The following DZIP3 variants were observed in gnomAD, a reference collection of about 807,000 sequenced individuals.
DZIP3 encodes DAZ interacting zinc finger protein 3.
In DZIP3, 118 loss-of-function variants were observed where a neutral mutation model predicts 162.0. The observed-to-expected ratio is 0.73, with a 90% CI of 0.63 to 0.85. The LOEUF (loss-of-function observed/expected upper bound fraction) is 0.85, where lower values mean the gene tolerates loss of function less well. Among genes scored for constraint, DZIP3 ranks in the 40% least tolerant of loss-of-function variants. The probability of loss-of-function intolerance (pLI) is 0.00; values close to 1 mark genes in which losing one functional copy is unlikely to be tolerated. For missense variants in DZIP3, 1,331 were observed against 1,407.0 expected (o/e 0.95, Z 0.86); for synonymous variants, 438 against 458.6 (o/e 0.96, Z 0.57).
Position 108,634,904 on chromosome 3 carries a change from T to C in DZIP3, c.850T>C (p.Cys284Arg). Residue 284 changes from cysteine (C) to arginine (R), a missense_variant, in exon 10 of 33, where the codon TGT becomes CGT. Around this residue, in one of 2 missense-constraint regions of DZIP3, gnomAD observed 1,278 missense variants for 1,317.1 expected, o/e 0.97. Coordinates refer to ENST00000361582, the MANE Select transcript of DZIP3 (RefSeq NM_014648.4). ...TCAGTTAATGTGCAGTAAAAGTTGC[T>C]GTGTTTATTTCCATAAAATTTGCTG... ...FFQLMCSKSCCVYFHKICWKK... is the reference protein window; with the variant it reads ...FFQLMCSKSCRVYFHKICWKK... 2.5e-6 allele frequency: 4 copies of C among 1,609,768 alleles called. No individual in the cohort carries two copies. In the Middle Eastern group the frequency reaches 6.6e-4, roughly 267 times the overall value.
chr3:108,646,757 C>T (rs1305561368), intron 15 of DZIP3, 108 bp downstream of exon 15: 3 of 884,238 alleles, frequency 3.4e-6, no homozygotes, highest in Non-Finnish European at 5.1e-6. Flanking sequence ...TTGTGAAGAA[C>T]TTGGGCCAGG....
In DZIP3 at chr3:108,673,605, C is replaced by T. The variant is rs1040906386; in HGVS notation, c.2590-473C>T. ...CTGCTGCGAGAGAGACACTGAACTA[C>T]GTAATCTCCCAAGCCCGTTTCTGTC... On this transcript the variant is annotated intron_variant, in intron 23 of 32. Transcript: ENST00000361582. 7.2e-5 allele frequency among the ~76,000 whole-genome samples: 11 copies of T among 152,024 alleles called. No individual in the cohort carries two copies. The South Asian group carries it at 1.0e-3, about 14-fold the overall frequency.
In DZIP3 at chr3:108,654,208, TA is replaced by T; in HGVS notation, c.2098del (p.Arg700AspfsTer3). 1 of 1,613,772 alleles carries T rather than the reference TA, an allele frequency of 6.2e-7. No individual in the cohort carries two copies. The highest frequency in any genetic ancestry group is 8.5e-7 in the Non-Finnish European group (1 of 1,179,738). ...KEQANPHSVS[R>X]LIKDDASDVQ... ...AACAAGCAAATCCACACTCAGTCAG[TA>T]GACTTATAAAAGATGATGCAAGTGA... On this transcript the variant is annotated frameshift_variant, in exon 19 of 33. Transcript: ENST00000361582. LOFTEE classifies it high-confidence loss of function.
At chr3:108,631,056 C>CACACACACACACA (rs1385172484) in intron 8 of DZIP3, among the ~76,000 whole-genome samples, 8 of 28,996 alleles carry the variant, frequency 2.8e-4, no homozygotes, top group Admixed American at 4.1e-4. Flanking sequence ...CACACACACA[C>CACACACACACACA]TCTCTCTCTC....
chr3:108,620,978 C>T (rs765429789), intron 5 of DZIP3, among the ~76,000 whole-genome samples: 9 of 152,022 alleles, frequency 5.9e-5, no homozygotes, highest in Non-Finnish European at 4.4e-5. Flanking sequence ...CGTGCCACCA[C>T]GCCTGGCTAA....
intron 26 of DZIP3, 40 bp from the exon 27 acceptor site, chr3:108,684,176 G>C: frequency 6.4e-7 from 1 of 1,559,474 alleles, no homozygotes; most frequent in Non-Finnish European, 8.7e-7. Context: ...AATATGTGGG[G>C]GGGGGTGTTG....
chr3:108,692,328 T>C (rs1300100900), intron 32 of DZIP3, among the ~76,000 whole-genome samples: 1 of 152,140 alleles, frequency 6.6e-6, no homozygotes. Flanking sequence ...AATCCTACTT[T>C]CTTCTCTACA....
intron 22 of DZIP3, among the ~76,000 whole-genome samples, chr3:108,671,582 A>G (rs1943928220): frequency 6.6e-6 from 1 of 151,918 alleles, no homozygotes; most frequent in Non-Finnish European, 1.5e-5. Context: ...CTTTCATTCA[A>G]AAATGTTGAA....
At chr3:108,683,398 G>A (rs1221843302) in intron 26 of DZIP3, among the ~76,000 whole-genome samples, 1 of 152,076 alleles carries the variant, frequency 6.6e-6, no homozygotes, top group Admixed American at 6.6e-5. Flanking sequence ...TTTTTCACAT[G>A]ATATTTTTAG....
intron 20 of DZIP3, 30 bp from the exon 21 acceptor site, chr3:108,662,100 T>C (rs375844719): frequency 1.9e-6 from 3 of 1,575,206 alleles, no homozygotes; most frequent in Non-Finnish European, 1.7e-6. Context: ...TTGAACATAA[T>C]TATCTGAAAT....
At chr3:108,689,369 G>A (rs1267963901) in intron 31 of DZIP3, among the ~76,000 whole-genome samples, 1 of 152,156 alleles carries the variant, frequency 6.6e-6, no homozygotes, top group Non-Finnish European at 1.5e-5. Flanking sequence ...GCTTTTGAAA[G>A]ATACTCAGGC....
chr3:108,687,879 A>G (rs1421763664), intron 28 of DZIP3, 97 bp from the exon 29 acceptor site: 9 of 1,510,676 alleles, frequency 6.0e-6, no homozygotes, highest in East Asian at 2.3e-5. Context: ...CTACATATCA[A>G]TCATGCGATA....
At chr3:108,626,071 C>G (rs372373345) in intron 7 of DZIP3, 102 bp downstream of exon 7, 1 of 1,311,170 alleles carries the variant, frequency 7.6e-7, no homozygotes, top group Admixed American at 2.6e-5. Context: ...CATTTGTGCT[C>G]TACTGTTTTA....
At chr3:108,651,651 T>C (rs572252382) in intron 18 of DZIP3, among the ~76,000 whole-genome samples, 24 of 151,844 alleles carry the variant, frequency 1.6e-4, no homozygotes, top group African/African-American at 5.5e-4. Context: ...TTTTTAAGAC[T>C]TAACCTGCAT....
At position 108,654,137 on chromosome 3, in the gene DZIP3, G is replaced by T. The variant is rs544945851; in HGVS notation, c.2034-8G>T. On this transcript the variant is annotated splice_polypyrimidine_tract_variant and splice_region_variant and intron_variant, in intron 18 of 32. Transcript: ENST00000361582. ...TAAAAGCTCACATTGATTATGTCACGACTACAGCCCATATGTGGTAGAAAA... is the reference window on the plus strand; with the variant it reads ...TAAAAGCTCACATTGATTATGTCACTACTACAGCCCATATGTGGTAGAAAA... The T allele has an allele frequency of 1.2e-6, 2 of 1,611,812 alleles. No homozygotes were observed. The highest frequency in any genetic ancestry group is 2.2e-5 in the South Asian group (2 of 90,778).
In DZIP3 at chr3:108,664,376, AG is replaced by A. The variant is rs369120262; in HGVS notation, c.2423+2120del. 1.5e-4 allele frequency among the ~76,000 whole-genome samples: 23 copies of A among 152,332 alleles called. No homozygotes were observed. The South Asian group carries it at 4.6e-3, about 30-fold the overall frequency. On this transcript the variant is annotated intron_variant, in intron 21 of 32. Transcript: ENST00000361582. ...CTGATTCTCCTACCTAACATAAGTA[AG>A]TAGCAGCAATCTTATTTTCCTGCTG...
At chr3:108,612,037 G>T (rs915034882) in intron 4 of DZIP3, among the ~76,000 whole-genome samples, 14 of 151,674 alleles carry the variant, frequency 9.2e-5, no homozygotes, top group Non-Finnish European at 1.3e-4. Context: ...GGAATTATTT[G>T]TATAATAAAT....
chr3:108,597,249 C>T (rs1939760261), intron 1 of DZIP3, among the ~76,000 whole-genome samples: 1 of 152,148 alleles, frequency 6.6e-6, no homozygotes, highest in Admixed American at 6.5e-5. Context: ...CAAACAGTTT[C>T]TGCTTTTTCT....
Position 108,636,705 on chromosome 3 carries a change from T to C in DZIP3, c.1008T>C (p.Ile336=). Residue 336 remains isoleucine, a synonymous_variant, in exon 11 of 33, where the codon ATT becomes ATC. Transcript: ENST00000361582. ...LQCDVPGIVK[I]LFEVVRKDEY... is the part of the protein sequence containing the mutation. ...GTGATGTACCTGGAATTGTTAAAAT[T>C]TTGGTGAGTATCTTGTTTTGTCCTT... 6.4e-7 allele frequency: 1 copy of C among 1,570,476 alleles called. No homozygotes were observed. The highest frequency in any genetic ancestry group is 8.6e-7 in the Non-Finnish European group (1 of 1,165,516).
Sources: gnomAD v4.1 joint callset for allele counts (sites outside exome capture counted in the v4.1 genomes callset) on GRCh38, gnomAD v4.1.1 for gene constraint, gnomAD v4.1.1 regional missense constraint, MANE v1.5 for transcripts, NCBI Gene and HGNC (gene_info 2026-07-23, HGNC 2026-07-21) for gene names.